The following CPQ variants were observed in gnomAD, a reference collection of about 807,000 sequenced individuals.
The protein encoded by CPQ is Ser-Met dipeptidase.
Under a neutral mutation model 45.7 loss-of-function variants are expected in CPQ, and 37 were observed. That is an observed-to-expected ratio of 0.81 (90% CI 0.62 to 1.07). The LOEUF (loss-of-function observed/expected upper bound fraction) is 1.07. Among genes scored for constraint, CPQ ranks in the 50% least tolerant of loss-of-function variants. The probability of loss-of-function intolerance (pLI) is 0.00; values close to 1 mark genes in which losing one functional copy is unlikely to be tolerated. For missense variants in CPQ, 537 were observed against 572.9 expected (o/e 0.94, Z 0.64); for synonymous variants, 186 against 205.8 (o/e 0.90, Z 0.82).
chr8:97,142,917 C>T, intron 7 of CPQ, 103 bp from the exon 8 acceptor site: 1 of 1,048,694 alleles, frequency 9.5e-7, no homozygotes, highest in Non-Finnish European at 1.4e-6. Flanking sequence ...TTTGCTATTG[C>T]AGACTGTATA....
At chr8:96,692,078 GA>G (rs1034027073) in intron 1 of CPQ, among the ~76,000 whole-genome samples, 3 of 152,136 alleles carry the variant, frequency 2.0e-5, no homozygotes, top group African/African-American at 7.2e-5. Flanking sequence ...GTTGTCTCTG[GA>G]AAATGAATCT....
intron 7 of CPQ, among the ~76,000 whole-genome samples, chr8:97,104,511 A>G (rs1235249762): frequency 6.6e-6 from 1 of 152,230 alleles, no homozygotes; most frequent in Non-Finnish European, 1.5e-5. Context: ...CTAGGTTATA[A>G]TGAACAGAAA....
At chr8:96,722,904 C>T (rs1423023085) in intron 1 of CPQ, among the ~76,000 whole-genome samples, 2 of 152,172 alleles carry the variant, frequency 1.3e-5, no homozygotes, top group Non-Finnish European at 2.9e-5. Context: ...AGCTTCTTCT[C>T]ATAGCTCATT....
chr8:96,906,208 A>C (rs934776978), intron 4 of CPQ, among the ~76,000 whole-genome samples: 1 of 152,176 alleles, frequency 6.6e-6, no homozygotes, highest in Non-Finnish European at 1.5e-5. Flanking sequence ...TCCAGAATAC[A>C]TCCTGTGTTC....
Position 97,131,114 on chromosome 8 carries a change from G to A in CPQ, c.1256-11906G>A, listed in dbSNP as rs183356915. Among the ~76,000 whole-genome samples the A allele has an allele frequency of 2.6e-3, 401 of 152,320 alleles. 4 individuals carry two copies. The highest frequency in any genetic ancestry group is 0.015 in the Admixed American group (235 of 15,294). ...CTTCAAGGATTATGGTTTGAAGCAA[G>A]GGTAATTCGCCTTGTGTCTTCCTTT... is the stretch of plus-strand genomic sequence containing the variant. On this transcript the variant is annotated intron_variant, in intron 7 of 7. Transcript: ENST00000220763.
At chr8:97,051,861 G>A (rs1810370140) in intron 6 of CPQ, among the ~76,000 whole-genome samples, 1 of 152,170 alleles carries the variant, frequency 6.6e-6, no homozygotes, top group Non-Finnish European at 1.5e-5. Context: ...ATAGAGGTGG[G>A]TATTGTAGTG....
At chr8:97,052,404 A>G (rs1810379044) in intron 6 of CPQ, among the ~76,000 whole-genome samples, 1 of 152,232 alleles carries the variant, frequency 6.6e-6, no homozygotes, top group South Asian at 2.1e-4. Context: ...AGCGATTGTT[A>G]AAAATCTAAG....
chr8:96,987,675 C>G (rs778644454), intron 5 of CPQ, among the ~76,000 whole-genome samples: 1 of 152,148 alleles, frequency 6.6e-6, no homozygotes, highest in Non-Finnish European at 1.5e-5. Flanking sequence ...TTTTGTCCTT[C>G]CTTGACTCCA....
chr8:97,076,912 T>A (rs776411539), intron 7 of CPQ, among the ~76,000 whole-genome samples: 4 of 152,200 alleles, frequency 2.6e-5, no homozygotes, highest in African/African-American at 4.8e-5. Context: ...TAACTACTAA[T>A]GAGCTACTGT....
chr8:96,911,763 A>G (rs967786483), intron 4 of CPQ, among the ~76,000 whole-genome samples: 1 of 152,238 alleles, frequency 6.6e-6, no homozygotes, highest in Non-Finnish European at 1.5e-5. Flanking sequence ...AAATATTGAC[A>G]TTCTCAGGTT....
chr8:96,964,354 A>G (rs958049704), intron 4 of CPQ, among the ~76,000 whole-genome samples: 4 of 151,786 alleles, frequency 2.6e-5, no homozygotes, highest in African/African-American at 9.7e-5. Flanking sequence ...CAGTTGCTCT[A>G]CCTCCTCACC....
chr8:96,928,934 T>C (rs1812931767), intron 4 of CPQ, among the ~76,000 whole-genome samples: 1 of 152,174 alleles, frequency 6.6e-6, no homozygotes. Context: ...AACCCCAAAC[T>C]TCTCAACTCA....
chr8:96,747,876 C>T (rs1325211983), intron 1 of CPQ, among the ~76,000 whole-genome samples: 3 of 152,160 alleles, frequency 2.0e-5, no homozygotes, highest in African/African-American at 7.2e-5. Flanking sequence ...CAAATATGCA[C>T]ACTAAAGTTT....
At chr8:96,688,980 T>C (rs1260525265) in intron 1 of CPQ, among the ~76,000 whole-genome samples, 1 of 152,204 alleles carries the variant, frequency 6.6e-6, no homozygotes, top group Non-Finnish European at 1.5e-5. Flanking sequence ...TTGTTTCTTC[T>C]TGGTTACATT....
At chr8:96,944,956 A>G (rs1480731532) in intron 4 of CPQ, among the ~76,000 whole-genome samples, 1 of 152,176 alleles carries the variant, frequency 6.6e-6, no homozygotes, top group Admixed American at 6.5e-5. Flanking sequence ...AGCTGAAGCT[A>G]CAGGACTCAC....
intron 1 of CPQ, among the ~76,000 whole-genome samples, chr8:96,738,150 T>G (rs1337928984): frequency 6.6e-6 from 1 of 152,130 alleles, no homozygotes; most frequent in Non-Finnish European, 1.5e-5. Context: ...TGTGGTTAAT[T>G]TTTATAAACC....
chr8:96,909,477 T>C (rs1319089071), intron 4 of CPQ, among the ~76,000 whole-genome samples: 2 of 152,156 alleles, frequency 1.3e-5, no homozygotes, highest in African/African-American at 4.8e-5. Flanking sequence ...TTCTTTTCCC[T>C]CTCTTCAGTA....
chr8:96,678,601 T>C (rs1020973020), intron 1 of CPQ, among the ~76,000 whole-genome samples: 2 of 152,104 alleles, frequency 1.3e-5, no homozygotes, highest in Non-Finnish European at 2.9e-5. Flanking sequence ...CTTTTGAAAA[T>C]AGCCATTCCA....
intron 1 of CPQ, among the ~76,000 whole-genome samples, chr8:96,783,282 T>TGTGTGTGTGTGTGTGCGTGC (rs1282570815): frequency 6.6e-6 from 1 of 152,068 alleles, no homozygotes; most frequent in African/African-American, 2.4e-5. Context: ...TGTGTGTGTG[T>TGTGTGTGTGTGTGTGCGTGC]GTGCTGCTTT....
Sources: allele counts gnomAD v4.1 joint callset (sites outside exome capture counted in the v4.1 genomes callset), GRCh38; gene constraint gnomAD v4.1.1; transcripts MANE v1.5; gene names NCBI Gene and HGNC (gene_info 2026-07-23, HGNC 2026-07-21).